EOGT: variants seen among roughly 807,000 people sequenced by gnomAD.
EOGT encodes the protein EGF domain-specific O-linked N-acetylglucosamine transferase.
A neutral mutation model predicts 70.5 loss-of-function variants in EOGT; 55 were observed. The observed-to-expected ratio is 0.78, with a 90% CI of 0.63 to 0.98. The LOEUF is 0.98. Ranked by LOEUF, EOGT falls within the 50% of genes least tolerant of loss-of-function variation. The pLI is 0.00. For missense variants in EOGT, 703 were observed against 641.9 expected (o/e 1.10, Z -1.03); for synonymous variants, 246 against 217.1 (o/e 1.13, Z -1.17).
chr3:68,991,212 C>T (rs1389906031), intron 10 of EOGT, among the ~76,000 whole-genome samples: 1 of 152,136 alleles, frequency 6.6e-6, no homozygotes, highest in Non-Finnish European at 1.5e-5. Context: ...AATTATCCAC[C>T]ATTTGGGAAG....
chr3:68,978,574 A>AG, intron 16 of EOGT, 139 bp from the exon 17 acceptor site: 1 of 577,792 alleles, frequency 1.7e-6, no homozygotes, highest in East Asian at 3.1e-5. Context: ...ACAGTAAACA[A>AG]GACTGAGGAA....
intron 4 of EOGT, 147 bp downstream of exon 4, chr3:69,009,490 A>G (rs1411825790): frequency 1.6e-6 from 1 of 615,864 alleles, no homozygotes; most frequent in African/African-American, 1.8e-5. Context: ...TTAGTCACTT[A>G]GAAGTATTAT....
Position 68,983,117 on chromosome 3 carries a change from T to C in EOGT, c.1153-245A>G, listed in dbSNP as rs575206573. 8.5e-5 allele frequency among the ~76,000 whole-genome samples: 13 copies of C among 152,338 alleles called. No homozygotes were observed. In the East Asian group the frequency reaches 2.1e-3, roughly 25 times the overall value. The stretch of plus-strand genomic sequence containing the variant: ...CGACTCTACCTCCCTCAGATACCAA[T>C]GCACTGTGTTGCTGTGAGGCTGAAA... On this transcript the variant is annotated intron_variant, in intron 14 of 17. Transcript: ENST00000383701.
chr3:68,986,302 A>C (rs756592105), intron 14 of EOGT, among the ~76,000 whole-genome samples: 1 of 152,162 alleles, frequency 6.6e-6, no homozygotes, highest in Non-Finnish European at 1.5e-5. Context: ...TAACCTGTTC[A>C]CAGATTCCAG....
chr3:68,987,852 T>A (rs2107214185), intron 13 of EOGT: 1 of 377,874 alleles, frequency 2.6e-6, no homozygotes, highest in South Asian at 3.8e-5. Context: ...ATTCTTGTAA[T>A]ATCCCTTAGC....
intron 17 of EOGT, 71 bp from the exon 18 acceptor site, chr3:68,977,835 A>G: frequency 6.7e-7 from 1 of 1,489,196 alleles, no homozygotes; most frequent in Non-Finnish European, 9.0e-7. Context: ...CAGGAAAATT[A>G]TGTTACTTTG....
At chr3:68,982,991 G>T in intron 14 of EOGT, 119 bp from the exon 15 acceptor site, 6 of 519,746 alleles carry the variant, frequency 1.2e-5, no homozygotes, top group Non-Finnish European at 1.0e-5. Context: ...ATATCATTTG[G>T]TAACAACAAC....
chr3:68,996,876 A>T (rs1485755940), intron 10 of EOGT, among the ~76,000 whole-genome samples: 2 of 152,216 alleles, frequency 1.3e-5, no homozygotes, highest in Non-Finnish European at 2.9e-5. Context: ...AGCCTCTCTC[A>T]TGTACACTAC....
At chr3:69,008,551 A>ATT in intron 4 of EOGT, 23 bp from the exon 5 acceptor site, 1 of 1,541,522 alleles carries the variant, frequency 6.5e-7, no homozygotes, top group Non-Finnish European at 9.0e-7. Flanking sequence ...ACTTACATTG[A>ATT]TTTCCCTTCT....
Position 68,998,001 on chromosome 3 carries a change from TCTTA to T in EOGT, c.831+6_831+9del, listed in dbSNP as rs1559604537. 4.1e-6 allele frequency: 6 copies of T among 1,456,278 alleles called. No homozygotes were observed. Among genetic ancestry groups the T allele is most frequent in the Non-Finnish European group, 4.7e-6 (5 of 1,059,120 alleles). 90.2% of individuals were successfully genotyped at this position (1,456,278 alleles called of 1,614,324 possible). A position where few individuals can be genotyped will look rare whatever the true frequency, so the allele number is the denominator to read the frequency against. ...GACAGTACTGAAGCGGAGAGCACAT[TCTTA>T]CTTACGGTGTCCCACATCACGATGT... On this transcript the variant is annotated splice_donor_region_variant and intron_variant, in intron 10 of 17. Transcript: ENST00000383701.
At chr3:68,977,836 T>G in intron 17 of EOGT, 72 bp from the exon 18 acceptor site, 1 of 1,485,456 alleles carries the variant, frequency 6.7e-7, no homozygotes. Flanking sequence ...AGGAAAATTA[T>G]GTTACTTTGG....
At chr3:68,979,868 G>A in intron 15 of EOGT, 81 bp from the exon 16 acceptor site, 1 of 1,398,742 alleles carries the variant, frequency 7.1e-7, no homozygotes, top group Non-Finnish European at 9.7e-7. Flanking sequence ...TTCACAGTAA[G>A]GATATTTATA....
intron 7 of EOGT, among the ~76,000 whole-genome samples, chr3:69,004,738 C>T (rs1163565054): frequency 6.6e-6 from 1 of 152,052 alleles, no homozygotes; most frequent in Non-Finnish European, 1.5e-5. Context: ...ATTCCCCAAC[C>T]CCTCTGCCAT....
At chr3:68,982,950 CT>C (rs907741935) in intron 14 of EOGT, 78 bp from the exon 15 acceptor site, 5 of 1,021,000 alleles carry the variant, frequency 4.9e-6, no homozygotes, top group Admixed American at 5.4e-5. Flanking sequence ...CCTAAAATTT[CT>C]TTTTTTGCAT....
At position 68,975,591 on chromosome 3, in the gene EOGT, T is replaced by G. The variant is rs113721595; in HGVS notation, c.*2027A>C. The stretch of plus-strand genomic sequence containing the variant: ...TGCCTTGCTGATGCAAAGCGCAACA[T>G]GCTTTTGTCATCCCTTTCATCTGAA... On this transcript the variant is annotated 3_prime_UTR_variant, in exon 18 of 18. Coordinates refer to ENST00000383701, the MANE Select transcript of EOGT (RefSeq NM_001278689.2). The G allele has an allele frequency of 0.021, 3,210 of 152,666 alleles. 63 individuals are homozygous for G. The highest frequency in any genetic ancestry group is 0.045 in the East Asian group (231 of 5,176). 9.5% of individuals were successfully genotyped at this position (152,666 alleles called of 1,614,324 possible). A position where few individuals can be genotyped will look rare whatever the true frequency, so the allele number is the denominator to read the frequency against.
intron 15 of EOGT, 192 bp downstream of exon 15, chr3:68,982,619 C>A (rs752347860): frequency 1.7e-5 from 7 of 407,056 alleles, no homozygotes; most frequent in Non-Finnish European, 2.6e-5. Flanking sequence ...CAACATCAGG[C>A]CCCAGAAAGC....
rs57904466 is a variant in EOGT at position 69,011,193 on chromosome 3, C to CTTTTTT, written c.-15+737_-15+742dup. On this transcript the variant is annotated intron_variant, in intron 3 of 17. Transcript: ENST00000383701. ...AGGTCACTTTAGTGGGATCTTTGTT[C>CTTTTTT]TTTTTTTTTTTTTAAGTGCTCTTTC... Among the ~76,000 whole-genome samples the CTTTTTT allele has an allele frequency of 2.6e-5, 3 of 113,268 alleles. 1 individual carries two copies. The highest frequency in any genetic ancestry group is 3.4e-5 in the Non-Finnish European group (2 of 58,236). 74.3% of individuals were successfully genotyped at this position (113,268 alleles called of 152,430 possible). A position where few individuals can be genotyped will look rare whatever the true frequency, so the allele number is the denominator to read the frequency against.
intron 14 of EOGT, among the ~76,000 whole-genome samples, chr3:68,985,176 C>G (rs1049229571): frequency 3.3e-5 from 5 of 152,186 alleles, no homozygotes; most frequent in Non-Finnish European, 4.4e-5. Flanking sequence ...TACTGTTGAT[C>G]TGTTGGCTAG....
At chr3:68,988,208 A>C (rs2090871695) in intron 13 of EOGT, 87 bp downstream of exon 13, 13 of 943,158 alleles carry the variant, frequency 1.4e-5, no homozygotes, top group African/African-American at 1.7e-5. Context: ...TGGTCTCCTG[A>C]TTATTTCTGT....
Sources: allele counts gnomAD v4.1 joint callset (sites outside exome capture counted in the v4.1 genomes callset), GRCh38; gene constraint gnomAD v4.1.1; transcripts MANE v1.5; gene names NCBI Gene and HGNC (gene_info 2026-07-23, HGNC 2026-07-21).